PCDHGA1: variants seen among roughly 807,000 people sequenced by gnomAD.
PCDHGA1 encodes protocadherin gamma-A1.
In PCDHGA1, 32 loss-of-function variants were observed where a neutral mutation model predicts 58.0. The observed-to-expected ratio is 0.55, with a 90% CI of 0.42 to 0.74. PCDHGA1 has a LOEUF of 0.74. Among genes scored for constraint, PCDHGA1 ranks in the 30% least tolerant of loss-of-function variants. The pLI is 0.00. For synonymous variants in PCDHGA1, 498 were observed against 501.1 expected (o/e 0.99, Z 0.08); for missense variants, 1,205 against 1,182.3 (o/e 1.02, Z -0.28).
intron 1 of PCDHGA1, chr5:141,366,561 A>G (rs903477065): frequency 3.1e-6 from 5 of 1,614,210 alleles, no homozygotes; most frequent in Admixed American, 1.7e-5. Context: ...GTGGGCGTGG[A>G]TGGGGTTCGG....
chr5:141,418,576 C>T, intron 1 of PCDHGA1: 2 of 1,614,012 alleles, frequency 1.2e-6, no homozygotes, highest in South Asian at 1.1e-5. Flanking sequence ...ATGACAACCC[C>T]CCAGTGTTCA....
At position 141,484,105 on chromosome 5, in the gene PCDHGA1, A is replaced by G. The variant is rs548687877; in HGVS notation, c.2422-10702A>G. On this transcript the variant is annotated intron_variant, in intron 1 of 3. Coordinates refer to ENST00000517417, the MANE Select transcript of PCDHGA1 (RefSeq NM_018912.3). Reference sequence around the variant, plus strand: ...GAAATGGTCTTCGTTGGTAATTAACAAAAGATCAAGAATACCTTGGTGTCA... The same window carrying G: ...GAAATGGTCTTCGTTGGTAATTAACGAAAGATCAAGAATACCTTGGTGTCA... Among the ~76,000 whole-genome samples, 3 of 152,316 alleles carry G rather than the reference A, an allele frequency of 2.0e-5. No individual in the cohort carries two copies. In the South Asian group the frequency reaches 6.2e-4, roughly 32 times the overall value.
chr5:141,430,790 A>G, intron 1 of PCDHGA1: 1 of 1,516,892 alleles, frequency 6.6e-7, no homozygotes, highest in South Asian at 1.3e-5. Context: ...CCGGGACTAC[A>G]AAGGGCTTGT....
intron 1 of PCDHGA1, chr5:141,385,293 G>A: frequency 6.2e-7 from 1 of 1,613,166 alleles, no homozygotes; most frequent in Non-Finnish European, 8.5e-7. Flanking sequence ...TAGATTTTCA[G>A]GAATGTAAAG....
chr5:141,362,333 C>G, intron 1 of PCDHGA1: 1 of 1,614,070 alleles, frequency 6.2e-7, no homozygotes, highest in Non-Finnish European at 8.5e-7. Context: ...GGTCTCAGCT[C>G]CAAGCCTGGA....
rs1177814811 is a variant in PCDHGA1 at position 141,511,841 on chromosome 5, CTGTTT to C, written c.*675_*679del. The C allele has an allele frequency of 3.2e-5, 5 of 156,826 alleles. No homozygotes were observed. Among genetic ancestry groups the C allele is most frequent in the African/African-American group, 4.8e-5 (2 of 41,458 alleles). The allele number at this position is 156,826 out of a possible 1,614,324, so 9.7% of individuals were successfully genotyped here. ...TCCCAACGCCCTGGGGACCAGTCTT[CTGTTT>C]TGTTTTTCATTGTTTGACGTTTCCA... On this transcript the variant is annotated 3_prime_UTR_variant, in exon 4 of 4. Coordinates refer to ENST00000517417, the MANE Select transcript of PCDHGA1 (RefSeq NM_018912.3).
At chr5:141,353,190 T>C in intron 1 of PCDHGA1, among the ~76,000 whole-genome samples, 1 of 152,174 alleles carries the variant, frequency 6.6e-6, no homozygotes, top group South Asian at 2.1e-4. Flanking sequence ...GGTTGGCAAA[T>C]CTTGCTAAAG....
chr5:141,385,690 G>A (rs1308061047), intron 1 of PCDHGA1: 1 of 326,260 alleles, frequency 3.1e-6, no homozygotes, highest in African/African-American at 2.2e-5. Context: ...GTCTTCTCAG[G>A]ATTCTCTTTA....
rs542248328 is a variant in PCDHGA1, at chr5:141,432,682, C to T, written c.2422-62125C>T. ...TGGACAGAGACGCGCTCAAGCAGAG[C>T]CTCGTAGTGGCCGTCCAGGACCACG... On this transcript the variant is annotated intron_variant, in intron 1 of 3. Coordinates refer to ENST00000517417, the MANE Select transcript of PCDHGA1 (RefSeq NM_018912.3). This position sits in a 1 kb window ranked among gnomAD's most constrained non-coding sequence, Gnocchi z 6.0. The T allele has an allele frequency of 6.5e-5, 105 of 1,613,976 alleles. No homozygotes were observed. In the African/African-American group the frequency reaches 1.1e-3, roughly 17 times the overall value.
intron 1 of PCDHGA1, chr5:141,423,126 G>T (rs1397550571): frequency 6.2e-7 from 1 of 1,613,622 alleles, no homozygotes; most frequent in Non-Finnish European, 8.5e-7. Context: ...CGCGGGCACT[G>T]CTGGACAGAG....
chr5:141,362,735 TA>T lies in PCDHGA1; in HGVS notation c.2421+29631del, dbSNP rs1266066195. Reference sequence around the variant, plus strand: ...TTCTCTCTGAAGTGTGAGATTTATTTACCCATGATTGCAAACCTTTATCACA... The same window carrying T: ...TTCTCTCTGAAGTGTGAGATTTATTTCCCATGATTGCAAACCTTTATCACA... On this transcript the variant is annotated intron_variant, in intron 1 of 3. Transcript: ENST00000517417. The T allele has an allele frequency of 2.0e-5, 15 of 764,982 alleles. No homozygotes were observed. In the Admixed American group the frequency reaches 4.5e-4, roughly 23 times the overall value. The allele number at this position is 764,982 out of a possible 1,614,324, so 47.4% of individuals were successfully genotyped here.
intron 1 of PCDHGA1, among the ~76,000 whole-genome samples, chr5:141,347,552 T>C (rs13357694): frequency 0.14 from 21,462 of 152,044 alleles, 2,076 homozygotes; most frequent in African/African-American, 0.28. Flanking sequence ...TTTGGGAGGC[T>C]GAGGCAGGTG....
At position 141,494,833 on chromosome 5, in the gene PCDHGA1, T is replaced by C. The variant is rs537340090; in HGVS notation, c.2448T>C (p.Arg816=). 1 of 1,614,094 alleles carries C rather than the reference T, an allele frequency of 6.2e-7. No homozygotes were observed. The highest frequency in any genetic ancestry group is 1.7e-5 in the Admixed American group (1 of 60,014). Residue 816 remains arginine, a synonymous_variant, in exon 2 of 4, where the codon CGT becomes CGC. Coordinates refer to ENST00000517417, the MANE Select transcript of PCDHGA1 (RefSeq NM_018912.3). ...SQQAPPNTDW[R]FSQAQRPGTS... Reference sequence around the variant, plus strand: ...AAGCCCCGCCCAACACGGACTGGCGTTTCTCTCAGGCCCAGAGACCCGGCA... The same window carrying C: ...AAGCCCCGCCCAACACGGACTGGCGCTTCTCTCAGGCCCAGAGACCCGGCA...
At chr5:141,367,748 C>T (rs1765315661) in intron 1 of PCDHGA1, 1 of 152,176 alleles carries the variant, frequency 6.6e-6, no homozygotes, top group African/African-American at 2.4e-5. Flanking sequence ...CAGAGAGTTA[C>T]ATACTGCTGC....
chr5:141,409,183 C>G (rs1217234895), intron 1 of PCDHGA1: 6 of 1,614,028 alleles, frequency 3.7e-6, no homozygotes, highest in Non-Finnish European at 5.1e-6. Context: ...GAGGTGGTCT[C>G]TCTACCCAGT....
chr5:141,365,760 A>G, intron 1 of PCDHGA1: 1 of 1,613,756 alleles, frequency 6.2e-7, no homozygotes, highest in Non-Finnish European at 8.5e-7. Context: ...GTGACAGCCC[A>G]TGACCCCGAC....
chr5:141,401,587 T>C (rs1455949609), intron 1 of PCDHGA1, among the ~76,000 whole-genome samples: 3 of 152,226 alleles, frequency 2.0e-5, no homozygotes, highest in Non-Finnish European at 2.9e-5. Context: ...TCCTGACATA[T>C]TCTTGAAGAA....
intron 1 of PCDHGA1, chr5:141,357,637 A>G: frequency 6.2e-7 from 1 of 1,612,586 alleles, no homozygotes; most frequent in Non-Finnish European, 8.5e-7. Flanking sequence ...TCAATCTTAT[A>G]ATAGATCATA....
At chr5:141,421,770 G>T in intron 1 of PCDHGA1, 6 of 1,613,856 alleles carry the variant, frequency 3.7e-6, no homozygotes, top group East Asian at 2.2e-5. Context: ...ACTTTTCCTT[G>T]CAACTGCGGG....
Sources: gnomAD v4.1 joint callset for allele counts (sites outside exome capture counted in the v4.1 genomes callset) on GRCh38, gnomAD v4.1.1 for gene constraint, Gnocchi (gnomAD v3.1) non-coding constraint, MANE v1.5 for transcripts, NCBI Gene and HGNC (gene_info 2026-07-23, HGNC 2026-07-21) for gene names.